The following SVOP variants were observed in gnomAD, a reference collection of about 807,000 sequenced individuals.
SVOP encodes SV2 related protein, also known as synaptic vesicle 2-related protein.
SVOP carries 17 observed loss-of-function variants against 69.1 expected under a neutral mutation model. That is an observed-to-expected ratio of 0.25 (90% CI 0.17 to 0.37). SVOP has a LOEUF of 0.37. Ranked by LOEUF, SVOP falls within the 10% of genes least tolerant of loss-of-function variation. The pLI, the probability that SVOP is intolerant of heterozygous loss-of-function variation, is 1.00. For synonymous variants in SVOP, 238 were observed against 238.6 expected, an observed-to-expected ratio of 1.00 and a Z score of 0.02; for missense variants, 435 against 597.5, an observed-to-expected ratio of 0.73 and a Z score of 2.84.
intron 1 of SVOP, among the ~76,000 whole-genome samples, chr12:109,004,329 C>T (rs2040291587): frequency 6.6e-6 from 1 of 151,442 alleles, no homozygotes; most frequent in Non-Finnish European, 1.5e-5. Context: ...TAGTTGTCAA[C>T]CTAAAGATCT....
At chr12:108,990,233 T>C (rs1389436564) in intron 1 of SVOP, among the ~76,000 whole-genome samples, 1 of 152,164 alleles carries the variant, frequency 6.6e-6, no homozygotes, top group Admixed American at 6.5e-5. Flanking sequence ...GGAGCAGGAA[T>C]CAAAAGGCAC....
intron 1 of SVOP, among the ~76,000 whole-genome samples, chr12:109,011,983 TA>T (rs55722025): frequency 0.022 from 3,327 of 151,970 alleles, 56 homozygotes; most frequent in Non-Finnish European, 0.035. Flanking sequence ...TTGCTGCAGG[TA>T]AAAAAAATTT....
chr12:108,982,093 A>T (rs1421893617), intron 2 of SVOP, among the ~76,000 whole-genome samples: 1 of 151,858 alleles, frequency 6.6e-6, no homozygotes, highest in Non-Finnish European at 1.5e-5. Flanking sequence ...CATCACTATC[A>T]TCATCATCAC....
At chr12:109,006,173 C>T (rs911574206) in intron 1 of SVOP, among the ~76,000 whole-genome samples, 10 of 152,258 alleles carry the variant, frequency 6.6e-5, no homozygotes, top group Middle Eastern at 3.4e-3. Flanking sequence ...CTGCCTCAAC[C>T]TCCCAAGTAG....
intron 1 of SVOP, among the ~76,000 whole-genome samples, chr12:108,993,378 C>CAAA (rs371842542): frequency 6.4e-5 from 9 of 139,916 alleles, no homozygotes; most frequent in South Asian, 2.2e-4. Flanking sequence ...ATTTTGCCTT[C>CAAA]AAAAAAAAAA....
Position 108,918,067 on chromosome 12 carries a change from T to C in SVOP, c.1326A>G (p.Gln442=). ...CCTCAGGTGTGTAAACATATGCCGC[T>C]TGAAAGCCTCCAGAAATAAACGCTC... ...IARAFISGGF[Q]AAYVYTPEVY... is the part of the protein sequence containing the mutation. The change falls in exon 14 of 16, where the codon CAA becomes CAG. Residue 442 remains glutamine, a synonymous_variant. Coordinates refer to ENST00000610966, the MANE Select transcript of SVOP (RefSeq NM_018711.5). 2 of 1,583,202 alleles carry C rather than the reference T, an allele frequency of 1.3e-6. No individual in the cohort carries two copies. Among genetic ancestry groups the C allele is most frequent in the Non-Finnish European group, 8.6e-7 (1 of 1,164,378 alleles).
At chr12:109,004,417 T>TC (rs1270774469) in intron 1 of SVOP, among the ~76,000 whole-genome samples, 1 of 148,820 alleles carries the variant, frequency 6.7e-6, no homozygotes, top group East Asian at 2.0e-4. Context: ...CTACTTTTTT[T>TC]TTTTTTTTTT....
chr12:108,980,726 T>C (rs1463233132), intron 2 of SVOP, among the ~76,000 whole-genome samples: 9 of 89,134 alleles, frequency 1.0e-4, no homozygotes, highest in African/African-American at 1.1e-4. Flanking sequence ...GTCCGCAGTC[T>C]GGCCTGGGCA....
At chr12:108,946,300 A>G (rs570340016) in intron 6 of SVOP, among the ~76,000 whole-genome samples, 98 of 151,146 alleles carry the variant, frequency 6.5e-4, no homozygotes, top group Non-Finnish European at 1.0e-3. Context: ...AGGTCTCACT[A>G]TGTTGTTCAT....
Position 108,912,432 on chromosome 12 carries a change from G to A in SVOP, c.*103C>T. 1 of 1,567,478 alleles carries A rather than the reference G, an allele frequency of 6.4e-7. No individual in the cohort carries two copies. Among genetic ancestry groups the A allele is most frequent in the African/African-American group, 1.4e-5 (1 of 74,060 alleles). ...CCTGTTGGTCCAGGTCATACTCTTG[G>A]GTGAGTTCTTGATGTCGGCAGTGAC... On this transcript the variant is annotated 3_prime_UTR_variant, in exon 16 of 16. Coordinates refer to ENST00000610966, the MANE Select transcript of SVOP (RefSeq NM_018711.5).
At chr12:109,013,281 C>T (rs1566069396) in intron 1 of SVOP, among the ~76,000 whole-genome samples, 1 of 151,492 alleles carries the variant, frequency 6.6e-6, no homozygotes, top group African/African-American at 2.4e-5. Context: ...ATGATACGTG[C>T]TATGAAAAAA....
At position 108,915,814 on chromosome 12, in the gene SVOP, A is replaced by G. The variant is rs1566046127; in HGVS notation, c.1409T>C (p.Val470Ala). 6.2e-7 allele frequency: 1 copy of G among 1,607,198 alleles called. No homozygotes were observed. Among genetic ancestry groups the G allele is most frequent in the Non-Finnish European group, 8.5e-7 (1 of 1,177,364 alleles). ...GATGAACGGAGTGATGAGAGCACCC[A>G]CTCTTGCCATGCCGCTGCAGGTGCC... ...GLGTCSGMAR[V>A]GALITPFIAQ... Residue 470 changes from valine (V) to alanine (A), a missense_variant, in exon 15 of 16, where the codon GTG becomes GCG. Transcript: ENST00000610966.
intron 5 of SVOP, among the ~76,000 whole-genome samples, chr12:108,972,146 A>G (rs928168425): frequency 6.6e-6 from 1 of 151,270 alleles, no homozygotes; most frequent in Admixed American, 6.6e-5. Flanking sequence ...GCCAGGGGTA[A>G]TGAGGAAATG....
intron 1 of SVOP, among the ~76,000 whole-genome samples, chr12:108,986,758 G>A (rs36144159): frequency 0.73 from 111,071 of 151,146 alleles, 41,216 homozygotes; most frequent in South Asian, 0.88. Flanking sequence ...TCTGTCGCCA[G>A]TGCTCTTCTT....
intron 11 of SVOP, 137 bp from the exon 12 acceptor site, chr12:108,922,934 A>G (rs1436640885): frequency 9.3e-6 from 6 of 641,820 alleles, no homozygotes; most frequent in Non-Finnish European, 1.7e-5. Context: ...AGACAGACAG[A>G]TTCATGTTTG....
At chr12:108,957,975 G>A (rs1346148819) in intron 6 of SVOP, among the ~76,000 whole-genome samples, 2 of 152,246 alleles carry the variant, frequency 1.3e-5, no homozygotes, top group Admixed American at 6.5e-5. Flanking sequence ...GTTCTTAGGC[G>A]GGGTGAGCTG....
chr12:108,983,907 G>A, intron 1 of SVOP, 146 bp from the exon 2 acceptor site: 1 of 397,398 alleles, frequency 2.5e-6, no homozygotes, highest in East Asian at 3.6e-5. Context: ...CTATTGATTT[G>A]GACTGGGGTT....
chr12:108,928,217 C>T (rs2039793888), intron 11 of SVOP, among the ~76,000 whole-genome samples: 1 of 152,064 alleles, frequency 6.6e-6, no homozygotes, highest in Non-Finnish European at 1.5e-5. Flanking sequence ...CCCCACACCC[C>T]CCTGACCCCC....
At chr12:108,982,543 C>T (rs2040142812) in intron 2 of SVOP, among the ~76,000 whole-genome samples, 1 of 151,494 alleles carries the variant, frequency 6.6e-6, no homozygotes, top group Admixed American at 6.6e-5. Context: ...TCATTTTCAT[C>T]ATCACCGTCA....
Sources: gnomAD v4.1 joint callset for allele counts (sites outside exome capture counted in the v4.1 genomes callset) on GRCh38, gnomAD v4.1.1 for gene constraint, MANE v1.5 for transcripts, NCBI Gene and HGNC (gene_info 2026-07-23, HGNC 2026-07-21) for gene names.